Variants in DMXL2 observed in about 807,000 individuals in gnomAD.
The protein encoded by DMXL2 is dmX-like protein 2.
A neutral mutation model predicts 331.1 loss-of-function variants in DMXL2; 103 were observed. That is an observed-to-expected ratio of 0.31 (90% CI 0.27 to 0.37). The LOEUF (loss-of-function observed/expected upper bound fraction) is 0.37. DMXL2 is among the 10% of genes least tolerant of loss of function. The pLI, the probability that DMXL2 is intolerant of heterozygous loss-of-function variation, is 1.00. For missense variants in DMXL2, 3,171 were observed against 3,642.9 expected, an observed-to-expected ratio of 0.87 and a Z score of 3.33; for synonymous variants, 1,281 against 1,252.1, an observed-to-expected ratio of 1.02 and a Z score of -0.49.
chr15:51,450,118 T>C lies in DMXL2; in HGVS notation c.8967+11A>G, dbSNP rs1166692315. The C allele has an allele frequency of 6.2e-7, 1 of 1,612,600 alleles. No individual in the cohort carries two copies. Among genetic ancestry groups the C allele is most frequent in the Non-Finnish European group, 8.5e-7 (1 of 1,179,112 alleles). On this transcript the variant is annotated intron_variant, in intron 43 of 43. Coordinates refer to ENST00000560891, the MANE Select transcript of DMXL2 (RefSeq NM_001378457.1). ...GTCTTTAGCACATTCCAACCTCTTG[T>C]ACTGACTCACCTTTATGTTACCTTC...
At chr15:51,616,603 C>T (rs1046087462) in intron 1 of DMXL2, among the ~76,000 whole-genome samples, 3 of 152,154 alleles carry the variant, frequency 2.0e-5, no homozygotes, top group African/African-American at 7.2e-5. Context: ...AACCCTAAAA[C>T]TTCTACTGAA....
chr15:51,574,135 A>G (rs1388049798), intron 2 of DMXL2, among the ~76,000 whole-genome samples: 2 of 152,158 alleles, frequency 1.3e-5, no homozygotes, highest in Admixed American at 1.3e-4. Context: ...GGAGCCATAA[A>G]CTGCACCTGG....
rs75714334 is a variant in DMXL2 at position 51,603,132 on chromosome 15, G to A, written c.87+19327C>T. Among the ~76,000 whole-genome samples, 1,139 of 152,200 alleles carry A rather than the reference G, an allele frequency of 7.5e-3. 18 individuals carry two copies. Among genetic ancestry groups the A allele is most frequent in the African/African-American group, 0.026 (1,088 of 41,520 alleles). ...ATAGAAGGCAGGAAACAATAAAAAA[G>A]CAGATATCAATGATATTAACAGAAA... On this transcript the variant is annotated intron_variant, in intron 1 of 43. Coordinates refer to ENST00000560891, the MANE Select transcript of DMXL2 (RefSeq NM_001378457.1).
intron 27 of DMXL2, 28 bp from the exon 28 acceptor site, chr15:51,474,620 G>C (rs776120587): frequency 1.3e-6 from 2 of 1,549,706 alleles, no homozygotes; most frequent in South Asian, 1.2e-5. Context: ...ATCATAAGAC[G>C]TATGTCAGGA....
chr15:51,547,572 T>C (rs753565734), intron 6 of DMXL2, among the ~76,000 whole-genome samples, 164 bp from the exon 7 acceptor site: 1 of 152,174 alleles, frequency 6.6e-6, no homozygotes, highest in Non-Finnish European at 1.5e-5. Context: ...AAGAAAACTA[T>C]TCTTGAAAAA....
intron 1 of DMXL2, among the ~76,000 whole-genome samples, chr15:51,620,124 G>T (rs1213161207): frequency 6.6e-6 from 1 of 151,952 alleles, no homozygotes; most frequent in African/African-American, 2.4e-5. Context: ...TTAAGTATTT[G>T]TTAGTTGATT....
intron 23 of DMXL2, 115 bp from the exon 24 acceptor site, chr15:51,481,738 A>AT: frequency 3.2e-5 from 31 of 959,542 alleles, no homozygotes; most frequent in Non-Finnish European, 4.4e-5. Context: ...ATATTAACCT[A>AT]CGATAGGTTA....
At chr15:51,502,778 C>G (rs769484584) in intron 17 of DMXL2, 28 bp downstream of exon 17, 1 of 1,496,244 alleles carries the variant, frequency 6.7e-7, no homozygotes, top group South Asian at 1.1e-5. Context: ...CTCTGAGCTA[C>G]CACTGCCCAG....
chr15:51,574,505 T>C (rs1347753516), intron 2 of DMXL2, among the ~76,000 whole-genome samples: 2 of 152,184 alleles, frequency 1.3e-5, no homozygotes, highest in Admixed American at 1.3e-4. Flanking sequence ...ATCCAACATC[T>C]AACATTCTTT....
At chr15:51,484,409 C>T (rs963982497) in intron 23 of DMXL2, among the ~76,000 whole-genome samples, 4 of 152,214 alleles carry the variant, frequency 2.6e-5, no homozygotes, top group African/African-American at 7.2e-5. Flanking sequence ...TGGCCATCAC[C>T]GCAAACTCTT....
intron 31 of DMXL2, among the ~76,000 whole-genome samples, chr15:51,465,139 T>C (rs886163512): frequency 4.6e-5 from 7 of 152,232 alleles, no homozygotes; most frequent in Non-Finnish European, 7.3e-5. Context: ...CTCACACTTG[T>C]AATCTCAGCA....
At chr15:51,483,659 T>G (rs1322248995) in intron 23 of DMXL2, among the ~76,000 whole-genome samples, 1 of 150,672 alleles carries the variant, frequency 6.6e-6, no homozygotes, top group Non-Finnish European at 1.5e-5. Context: ...GCAGCGCCCC[T>G]GCTCCCTGCA....
Position 51,523,157 on chromosome 15 carries a change from C to T in DMXL2, c.2437-5990G>A, listed in dbSNP as rs574325237. On this transcript the variant is annotated intron_variant, in intron 13 of 43. Transcript: ENST00000560891. Reference sequence around the variant, plus strand: ...TGTGACAAATTCTTGCTACATTTTGCCTCACAATTAGTAGAAGAAGTAAGT... The same window carrying T: ...TGTGACAAATTCTTGCTACATTTTGTCTCACAATTAGTAGAAGAAGTAAGT... Among the ~76,000 whole-genome samples, 6 of 152,242 alleles carry T rather than the reference C, an allele frequency of 3.9e-5. No homozygotes were observed. In the East Asian group the frequency reaches 1.2e-3, roughly 29 times the overall value.
chr15:51,543,154 T>C (rs767780481), intron 8 of DMXL2, among the ~76,000 whole-genome samples: 2 of 152,168 alleles, frequency 1.3e-5, no homozygotes, highest in Admixed American at 6.6e-5. Flanking sequence ...GTGGACTATT[T>C]TAGTCATGGG....
chr15:51,536,969 T>C, intron 11 of DMXL2, 107 bp from the exon 12 acceptor site: 1 of 962,894 alleles, frequency 1.0e-6, no homozygotes. Flanking sequence ...AAAAATGTCA[T>C]TTTCAACCTC....
At chr15:51,559,956 A>C (rs1857233055) in intron 6 of DMXL2, among the ~76,000 whole-genome samples, 1 of 152,232 alleles carries the variant, frequency 6.6e-6, no homozygotes, top group Admixed American at 6.5e-5. Flanking sequence ...TATACCCAAG[A>C]GAAATCCACA....
rs779877117 is a variant in DMXL2, at chr15:51,622,573, G to A, written c.-28C>T. The A allele has an allele frequency of 6.5e-7, 1 of 1,539,792 alleles. No individual in the cohort carries two copies. Among genetic ancestry groups the A allele is most frequent in the African/African-American group, 1.4e-5 (1 of 72,394 alleles). On this transcript the variant is annotated 5_prime_UTR_variant, in exon 1 of 44. Transcript: ENST00000560891. ...CCGGAGCCCGGGCTGGACAGAATGC[G>A]CGGGAGGTGCGACAAGCTCCGCGCC... is the stretch of plus-strand genomic sequence containing the variant.
intron 1 of DMXL2, among the ~76,000 whole-genome samples, chr15:51,581,840 T>C (rs919489618): frequency 2.0e-5 from 3 of 152,122 alleles, no homozygotes; most frequent in Admixed American, 6.6e-5. Flanking sequence ...GGGTCAAAGT[T>C]TGAGATCATT....
At chr15:51,578,220 A>G (rs2051172865) in intron 1 of DMXL2, among the ~76,000 whole-genome samples, 1 of 152,194 alleles carries the variant, frequency 6.6e-6, no homozygotes, top group Non-Finnish European at 1.5e-5. Flanking sequence ...GATTACTGTT[A>G]CTAAATGCAA....
Sources: allele counts gnomAD v4.1 joint callset (sites outside exome capture counted in the v4.1 genomes callset), GRCh38; gene constraint gnomAD v4.1.1; transcripts MANE v1.5; gene names NCBI Gene and HGNC (gene_info 2026-07-23, HGNC 2026-07-21).